Variants in NFAT5 observed in about 807,000 individuals in gnomAD.
NFAT5 encodes nuclear factor of activated T cells 5, also known as nuclear factor of activated T-cells 5.
In NFAT5, 31 loss-of-function variants were observed where a neutral mutation model predicts 166.5. That is an observed-to-expected ratio of 0.19 (90% CI 0.14 to 0.25). The LOEUF (loss-of-function observed/expected upper bound fraction) is 0.25, where lower values mean the gene tolerates loss of function less well. Ranked by LOEUF, NFAT5 falls within the 10% of genes least tolerant of loss-of-function variation. NFAT5 has a pLI of 1.00. For missense variants in NFAT5, 1,449 were observed against 1,821.8 expected (o/e 0.80, Z 3.72); for synonymous variants, 612 against 639.7 (o/e 0.96, Z 0.65).
chr16:69,608,576 G>A (rs2033540750), intron 2 of NFAT5, among the ~76,000 whole-genome samples: 1 of 151,440 alleles, frequency 6.6e-6, no homozygotes, highest in South Asian at 2.1e-4. Flanking sequence ...CTAACACGGT[G>A]AAATCCTGTC....
intron 2 of NFAT5, among the ~76,000 whole-genome samples, chr16:69,588,602 T>C (rs927110119): frequency 2.6e-5 from 4 of 152,232 alleles, no homozygotes; most frequent in African/African-American, 9.6e-5. Flanking sequence ...AAAGTACTTC[T>C]TCAGATTGCT....
At chr16:69,665,643 C>T (rs1194302664) in intron 7 of NFAT5, among the ~76,000 whole-genome samples, 2 of 97,250 alleles carry the variant, frequency 2.1e-5, no homozygotes, top group Non-Finnish European at 3.9e-5. Flanking sequence ...AGGAGAACTA[C>T]AAGCCACTGC....
chr16:69,609,891 G>A (rs1233935072), intron 2 of NFAT5, among the ~76,000 whole-genome samples: 1 of 151,164 alleles, frequency 6.6e-6, no homozygotes, highest in Non-Finnish European at 1.5e-5. Flanking sequence ...TGTAGGCCCA[G>A]CATACTTGGG....
chr16:69,588,473 G>C (rs979837182), intron 2 of NFAT5, among the ~76,000 whole-genome samples: 8 of 151,738 alleles, frequency 5.3e-5, no homozygotes, highest in African/African-American at 1.9e-4. Context: ...AGGTAACCTA[G>C]AGCCAGAAAG....
intron 2 of NFAT5, among the ~76,000 whole-genome samples, chr16:69,579,606 A>AT (rs1274365349): frequency 6.6e-6 from 1 of 152,232 alleles, no homozygotes; most frequent in African/African-American, 2.4e-5. Flanking sequence ...CCTTGAAAGT[A>AT]TTTTTTAACC....
rs375170983 is a variant in NFAT5, at chr16:69,647,288, A to G, written c.514A>G (p.Asn172Asp). The G allele has an allele frequency of 1.2e-6, 2 of 1,614,102 alleles. No individual in the cohort carries two copies. The highest frequency in any genetic ancestry group is 8.5e-7 in the Non-Finnish European group (1 of 1,180,054). The change falls in exon 4 of 15, where the codon AAC (asparagine) becomes GAC (aspartate). Residue 172 changes from asparagine (N) to aspartate (D), a missense_variant. This residue lies in a region of NFAT5 where 115 missense variants were observed against 177.1 expected (regional missense o/e 0.65). Coordinates refer to ENST00000349945, the MANE Select transcript of NFAT5 (RefSeq NM_138713.4). This position sits in a 1 kb window ranked among gnomAD's most constrained non-coding sequence, Gnocchi z 4.8. ...ISPPPEDLLDNSRMSCQDEGC... is the reference protein window; with the variant it reads ...ISPPPEDLLDDSRMSCQDEGC... ...ACCACCACCTGAGGACTTGCTGGAT[A>G]ACAGTCGGATGTCCTGCCAGGATGA...
At chr16:69,677,433 T>C (rs2036873189) in intron 10 of NFAT5, 98 bp downstream of exon 10, 1 of 990,266 alleles carries the variant, frequency 1.0e-6, no homozygotes. Flanking sequence ...AGAAAGTTGC[T>C]CACTAAGATG....
intron 1 of NFAT5, among the ~76,000 whole-genome samples, chr16:69,568,199 A>C (rs1286655556): frequency 2.0e-5 from 3 of 152,140 alleles, no homozygotes; most frequent in Non-Finnish European, 4.4e-5. Flanking sequence ...GCATGCCTGT[A>C]ATCCCAGCTA....
At chr16:69,651,644 C>T (rs1414698832) in intron 4 of NFAT5, among the ~76,000 whole-genome samples, 1 of 151,618 alleles carries the variant, frequency 6.6e-6, no homozygotes, top group Non-Finnish European at 1.5e-5. Context: ...AAGCTATGAC[C>T]CTGACTTTAT....
chr16:69,619,852 A>G (rs1310908107), intron 2 of NFAT5, among the ~76,000 whole-genome samples: 1 of 152,200 alleles, frequency 6.6e-6, no homozygotes, highest in Admixed American at 6.5e-5. Flanking sequence ...AAGTTGCCCT[A>G]TTAAATTACC....
intron 3 of NFAT5, among the ~76,000 whole-genome samples, chr16:69,638,448 G>A (rs548385289): frequency 1.3e-5 from 2 of 150,408 alleles, no homozygotes; most frequent in African/African-American, 2.4e-5. Flanking sequence ...AAAAACAAAC[G>A]TAGGGCTGGG....
intron 9 of NFAT5, among the ~76,000 whole-genome samples, chr16:69,673,084 G>T (rs1346705356): frequency 6.6e-6 from 1 of 151,606 alleles, no homozygotes; most frequent in Non-Finnish European, 1.5e-5. Context: ...CTTTTTTTCA[G>T]GGCAGTTATG....
chr16:69,650,229 G>C (rs973605827), intron 4 of NFAT5, among the ~76,000 whole-genome samples: 2 of 152,008 alleles, frequency 1.3e-5, no homozygotes, highest in Non-Finnish European at 2.9e-5. Context: ...CATGATGGTG[G>C]ATTTTCCTTT....
At chr16:69,620,091 C>G (rs2034130915) in intron 2 of NFAT5, among the ~76,000 whole-genome samples, 1 of 152,162 alleles carries the variant, frequency 6.6e-6, no homozygotes, top group South Asian at 2.1e-4. Flanking sequence ...TCCTTTCCAC[C>G]CAACATTGGG....
chr16:69,649,062 A>T, intron 4 of NFAT5: 1 of 852,794 alleles, frequency 1.2e-6, no homozygotes, highest in Non-Finnish European at 1.4e-6. Context: ...AATAAGATAT[A>T]CTCTTTCCTA....
chr16:69,682,340 G>A (rs116808102), intron 10 of NFAT5, among the ~76,000 whole-genome samples: 6,530 of 150,598 alleles, frequency 0.043, 486 homozygotes, highest in African/African-American at 0.15. Context: ...GGGTGAGGTG[G>A]CTCACATATG....
chr16:69,609,974 C>G (rs1251445293), intron 2 of NFAT5, among the ~76,000 whole-genome samples: 3 of 151,724 alleles, frequency 2.0e-5, no homozygotes, highest in South Asian at 2.1e-4. Flanking sequence ...CCACCGCACT[C>G]CAATCTGGAC....
intron 4 of NFAT5, chr16:69,648,875 T>TA: frequency 1.1e-6 from 1 of 925,806 alleles, no homozygotes; most frequent in Non-Finnish European, 1.3e-6. Context: ...TTAATATATA[T>TA]TTAACTTGCC....
rs776590259 is a variant in NFAT5 at position 69,693,322 on chromosome 16, A to G, written c.3497A>G (p.Asn1166Ser). 14 of 1,614,080 alleles carry G rather than the reference A, an allele frequency of 8.7e-6. No individual in the cohort carries two copies. Among genetic ancestry groups the G allele is most frequent in the Non-Finnish European group, 1.1e-5 (13 of 1,180,042 alleles). ...ATATTTCTTTCCCAGAGTCCCATGA[A>G]TAATCTTCAGACTAACACAGTAGCC... ...TNIFLSQSPM[N>S]NLQTNTVAQE... The change falls in exon 13 of 15, where the codon AAT becomes AGT. Residue 1166 changes from asparagine (N) to serine (S), a missense_variant. Asn to Ser is a conservative substitution (Grantham distance 46). Coordinates refer to ENST00000349945, the MANE Select transcript of NFAT5 (RefSeq NM_138713.4).
Sources: allele counts gnomAD v4.1 joint callset (sites outside exome capture counted in the v4.1 genomes callset), GRCh38; gene constraint gnomAD v4.1.1; regional missense constraint gnomAD v4.1.1; non-coding constraint Gnocchi (gnomAD v3.1); transcripts MANE v1.5; gene names NCBI Gene and HGNC (gene_info 2026-07-23, HGNC 2026-07-21).